ATP8B4: variants seen among roughly 807,000 people sequenced by gnomAD.
ATP8B4 encodes ATPase phospholipid transporting 8B4 (putative).
Under a neutral mutation model 145.6 loss-of-function variants are expected in ATP8B4, and 133 were observed. That is an observed-to-expected ratio of 0.91 (90% CI 0.79 to 1.05). ATP8B4 has a LOEUF of 1.05. Ranked by LOEUF, ATP8B4 falls within the 50% of genes least tolerant of loss-of-function variation. The pLI is 0.00. For synonymous variants in ATP8B4, 507 were observed against 492.9 expected, an observed-to-expected ratio of 1.03 and a Z score of -0.38; for missense variants, 1,458 against 1,425.2, an observed-to-expected ratio of 1.02 and a Z score of -0.37.
At chr15:50,043,110 G>A (rs748909995) in intron 5 of ATP8B4, among the ~76,000 whole-genome samples, 1 of 152,220 alleles carries the variant, frequency 6.6e-6, no homozygotes, top group African/African-American at 2.4e-5. Flanking sequence ...ATATGGGTGT[G>A]AGCTCAGAGG....
intron 5 of ATP8B4, 112 bp downstream of exon 5, chr15:50,044,482 G>T (rs1425499369): frequency 1.5e-6 from 1 of 678,844 alleles, no homozygotes; most frequent in Non-Finnish European, 2.4e-6. Flanking sequence ...AGCTTTATAT[G>T]ATATTAACCA....
chr15:49,895,317 T>C (rs1271592285), intron 23 of ATP8B4: 1 of 152,268 alleles, frequency 6.6e-6, no homozygotes, highest in Non-Finnish European at 1.5e-5. Context: ...CAAAGTACAG[T>C]TCTAGGGGCT....
At chr15:50,045,888 T>C (rs937931725) in intron 4 of ATP8B4, among the ~76,000 whole-genome samples, 4 of 152,228 alleles carry the variant, frequency 2.6e-5, no homozygotes, top group African/African-American at 9.7e-5. Flanking sequence ...AAGTGTTACT[T>C]GAAGAAACCA....
chr15:50,109,674 A>G (rs1354433843), intron 1 of ATP8B4, among the ~76,000 whole-genome samples: 2 of 151,802 alleles, frequency 1.3e-5, no homozygotes, highest in Non-Finnish European at 2.9e-5. Flanking sequence ...AAACAGCGGC[A>G]ATGAGAATGC....
At chr15:49,986,349 T>G (rs556097440) in intron 10 of ATP8B4, among the ~76,000 whole-genome samples, 1 of 152,210 alleles carries the variant, frequency 6.6e-6, no homozygotes, top group African/African-American at 2.4e-5. Flanking sequence ...GATAAAGGAA[T>G]GTTCATGGTC....
chr15:49,946,291 A>G (rs192021769), intron 14 of ATP8B4, among the ~76,000 whole-genome samples: 5 of 152,380 alleles, frequency 3.3e-5, no homozygotes, highest in Non-Finnish European at 1.5e-5. Flanking sequence ...GAATAACATT[A>G]ACGAAGGAGA....
At chr15:49,963,145 G>A (rs1046057025) in intron 13 of ATP8B4, among the ~76,000 whole-genome samples, 2 of 151,972 alleles carry the variant, frequency 1.3e-5, no homozygotes, top group Admixed American at 6.6e-5. Flanking sequence ...AGAATAAATG[G>A]GGACAACAAA....
intron 2 of ATP8B4, among the ~76,000 whole-genome samples, chr15:50,096,228 G>GA (rs560687987): frequency 3.0e-4 from 45 of 152,072 alleles, no homozygotes; most frequent in African/African-American, 1.1e-3. Flanking sequence ...TGAAATCCAA[G>GA]AAAAAAAGAG....
intron 1 of ATP8B4, among the ~76,000 whole-genome samples, chr15:50,108,370 G>A (rs1003269869): frequency 1.3e-5 from 2 of 152,088 alleles, no homozygotes; most frequent in Admixed American, 1.3e-4. Context: ...ATGGCATCAT[G>A]TCACACCCCT....
chr15:49,988,595 C>T, intron 9 of ATP8B4, among the ~76,000 whole-genome samples: 1 of 152,088 alleles, frequency 6.6e-6, no homozygotes, highest in East Asian at 1.9e-4. Flanking sequence ...AATACATTTA[C>T]ATTTAATCAG....
At chr15:50,119,622 A>G (rs879852617), upstream of ATP8B4, among the ~76,000 whole-genome samples, 23 of 152,252 alleles carry the variant, frequency 1.5e-4, no homozygotes, top group Middle Eastern at 3.4e-3. Context: ...TGAACAATGG[A>G]AGGGGACACC....
At chr15:50,126,168 G>A (rs2057305850) in intron 1 of ATP8B4, among the ~76,000 whole-genome samples, 1 of 150,518 alleles carries the variant, frequency 6.6e-6, no homozygotes, top group African/African-American at 2.5e-5. Flanking sequence ...CTCAGAACAA[G>A]TGAAGCTGAG....
intron 6 of ATP8B4, among the ~76,000 whole-genome samples, chr15:50,021,105 G>A (rs2049515240): frequency 6.6e-6 from 1 of 151,152 alleles, no homozygotes; most frequent in African/African-American, 2.4e-5. Flanking sequence ...AAATCCATGA[G>A]TGATGGTGAT....
chr15:50,014,277 T>C (rs549495766), intron 6 of ATP8B4, among the ~76,000 whole-genome samples: 80 of 152,320 alleles, frequency 5.3e-4, no homozygotes, highest in African/African-American at 1.8e-3. Flanking sequence ...TAATCTCAAG[T>C]ACATGTCAGC....
intron 2 of ATP8B4, among the ~76,000 whole-genome samples, chr15:50,106,154 A>G (rs531636511): frequency 6.6e-6 from 1 of 152,304 alleles, no homozygotes; most frequent in African/African-American, 2.4e-5. Context: ...ATCAGGGACG[A>G]TATTGGAAGG....
chr15:49,894,591 T>C (rs2037186237), intron 23 of ATP8B4, among the ~76,000 whole-genome samples: 1 of 152,220 alleles, frequency 6.6e-6, no homozygotes, highest in African/African-American at 2.4e-5. Flanking sequence ...AACTATTGTA[T>C]CATATTAATA....
At chr15:50,148,080 C>T (rs949787843) in intron 1 of ATP8B4, among the ~76,000 whole-genome samples, 17 of 152,132 alleles carry the variant, frequency 1.1e-4, no homozygotes, top group African/African-American at 4.1e-4. Flanking sequence ...GCAGATGCCT[C>T]CTGGTCTGAC....
At chr15:49,937,944 A>G (rs1458371970) in intron 14 of ATP8B4, among the ~76,000 whole-genome samples, 2 of 152,158 alleles carry the variant, frequency 1.3e-5, no homozygotes, top group Admixed American at 6.6e-5. Context: ...CCTGCCCTCA[A>G]TGAAATCCAG....
chr15:49,997,028 T>C (rs1458095950), intron 8 of ATP8B4, among the ~76,000 whole-genome samples: 1 of 152,130 alleles, frequency 6.6e-6, no homozygotes, highest in Non-Finnish European at 1.5e-5. Flanking sequence ...ACATAACAAA[T>C]ATGGTTTCAT....
Sources: allele counts gnomAD v4.1 joint callset (sites outside exome capture counted in the v4.1 genomes callset), GRCh38; gene constraint gnomAD v4.1.1; transcripts MANE v1.5; gene names NCBI Gene and HGNC (gene_info 2026-07-23, HGNC 2026-07-21).